LUZP2: variants seen among roughly 807,000 people sequenced by gnomAD.
LUZP2 encodes leucine zipper protein 2.
In LUZP2, 52 loss-of-function variants were observed where a neutral mutation model predicts 51.6. The ratio of observed to expected loss-of-function variants is 1.01; its 90% confidence interval spans 0.81 to 1.27. LUZP2 has a LOEUF of 1.27. Among genes scored for constraint, LUZP2 ranks in the 50% most tolerant of loss-of-function variants. The pLI is 0.00. For missense variants in LUZP2, 436 were observed against 395.4 expected, an observed-to-expected ratio of 1.10 and a Z score of -0.87; for synonymous variants, 154 against 137.3, an observed-to-expected ratio of 1.12 and a Z score of -0.85.
At chr11:25,075,677 G>A (rs886296853) in intron 10 of LUZP2, among the ~76,000 whole-genome samples, 1 of 152,028 alleles carries the variant, frequency 6.6e-6, no homozygotes, top group Non-Finnish European at 1.5e-5. Context: ...ATAAATTATG[G>A]CAGAAATGAG....
At chr11:24,855,730 T>C (rs537199473) in intron 5 of LUZP2, among the ~76,000 whole-genome samples, 3 of 152,246 alleles carry the variant, frequency 2.0e-5, no homozygotes, top group Non-Finnish European at 4.4e-5. Flanking sequence ...ACACAGGCTA[T>C]AGTAATTAAA....
intron 7 of LUZP2, among the ~76,000 whole-genome samples, chr11:24,945,668 G>A (rs1290386912): frequency 6.6e-6 from 1 of 151,964 alleles, no homozygotes; most frequent in African/African-American, 2.4e-5. Context: ...TATCAGCACT[G>A]AACATTGGAT....
chr11:24,997,427 G>A (rs1856539448), intron 9 of LUZP2, among the ~76,000 whole-genome samples: 1 of 152,092 alleles, frequency 6.6e-6, no homozygotes, highest in Admixed American at 6.5e-5. Flanking sequence ...CTTTTGAGAA[G>A]TGTCTGTTCA....
At chr11:25,002,035 C>T (rs1356497468) in intron 9 of LUZP2, among the ~76,000 whole-genome samples, 2 of 152,208 alleles carry the variant, frequency 1.3e-5, no homozygotes, top group African/African-American at 2.4e-5. Context: ...TGGGGGTTCC[C>T]CCAGAGGTTA....
chr11:24,601,447 T>C (rs1451033813), intron 1 of LUZP2, among the ~76,000 whole-genome samples: 2 of 151,958 alleles, frequency 1.3e-5, no homozygotes, highest in Non-Finnish European at 1.5e-5. Context: ...TATGTAAAGA[T>C]AGAATAAAGA....
intron 1 of LUZP2, among the ~76,000 whole-genome samples, chr11:24,578,817 G>T (rs1852750637): frequency 6.6e-6 from 1 of 151,940 alleles, no homozygotes; most frequent in Non-Finnish European, 1.5e-5. Context: ...ACTAACTATT[G>T]GGTACTATGC....
intron 5 of LUZP2, among the ~76,000 whole-genome samples, chr11:24,903,451 T>C (rs899115311): frequency 2.6e-5 from 4 of 152,170 alleles, no homozygotes; most frequent in Admixed American, 6.5e-5. Flanking sequence ...CACTCCATGA[T>C]AGGAAAACAA....
chr11:24,847,519 A>G (rs1400833279), intron 5 of LUZP2, among the ~76,000 whole-genome samples: 1 of 152,122 alleles, frequency 6.6e-6, no homozygotes, highest in Non-Finnish European at 1.5e-5. Context: ...TGTGCTCTTT[A>G]CTGGAGGCAC....
intron 1 of LUZP2, among the ~76,000 whole-genome samples, chr11:24,617,324 T>C (rs1286505147): frequency 6.6e-6 from 1 of 152,186 alleles, no homozygotes; most frequent in Non-Finnish European, 1.5e-5. Flanking sequence ...GCCTTATTTT[T>C]CACCTGATTT....
intron 9 of LUZP2, among the ~76,000 whole-genome samples, chr11:25,030,252 A>T (rs1190734288): frequency 6.6e-6 from 1 of 152,160 alleles, no homozygotes; most frequent in African/African-American, 2.4e-5. Flanking sequence ...TATTTCAAGG[A>T]TATCTTTGTT....
intron 7 of LUZP2, among the ~76,000 whole-genome samples, chr11:24,936,450 A>C (rs1854588492): frequency 6.6e-6 from 1 of 152,178 alleles, no homozygotes; most frequent in African/African-American, 2.4e-5. Context: ...CTGCAATTTC[A>C]GTCTCTTACT....
intron 1 of LUZP2, among the ~76,000 whole-genome samples, chr11:24,709,875 C>T (rs2133927959): frequency 6.6e-6 from 1 of 152,250 alleles, no homozygotes; most frequent in East Asian, 1.9e-4. Context: ...TAGACAGGAG[C>T]TCATGGATGA....
chr11:25,001,864 T>A (rs1412132702), intron 9 of LUZP2, among the ~76,000 whole-genome samples: 1 of 152,124 alleles, frequency 6.6e-6, no homozygotes, highest in Non-Finnish European at 1.5e-5. Flanking sequence ...TCTGACTTCC[T>A]GTCTCTTTCT....
intron 1 of LUZP2, among the ~76,000 whole-genome samples, chr11:24,644,270 C>A (rs1432354796): frequency 6.6e-6 from 1 of 152,108 alleles, no homozygotes; most frequent in African/African-American, 2.4e-5. Flanking sequence ...TTGCTGGCAG[C>A]TGGATCTGCA....
At chr11:24,554,925 G>A (rs1296149097) in intron 1 of LUZP2, among the ~76,000 whole-genome samples, 9 of 152,196 alleles carry the variant, frequency 5.9e-5, no homozygotes, top group Middle Eastern at 3.4e-3. Context: ...AATGCAGTAA[G>A]ATATCAATAC....
intron 5 of LUZP2, among the ~76,000 whole-genome samples, chr11:24,898,129 A>G (rs1304711095): frequency 6.6e-6 from 1 of 152,220 alleles, no homozygotes; most frequent in Non-Finnish European, 1.5e-5. Context: ...ACTCCTATTC[A>G]TACACTTTTA....
At chr11:24,539,200 A>G (rs1229704151) in intron 1 of LUZP2, among the ~76,000 whole-genome samples, 3 of 151,902 alleles carry the variant, frequency 2.0e-5, no homozygotes, top group Non-Finnish European at 4.4e-5. Flanking sequence ...CTCTTGTTAG[A>G]ACACAAGTCT....
At chr11:24,580,532 T>C (rs1852811892) in intron 1 of LUZP2, among the ~76,000 whole-genome samples, 1 of 152,124 alleles carries the variant, frequency 6.6e-6, no homozygotes, top group Non-Finnish European at 1.5e-5. Flanking sequence ...TAGCAAAAGC[T>C]CCATGTTAAT....
intron 1 of LUZP2, among the ~76,000 whole-genome samples, chr11:24,616,745 T>C (rs892620854): frequency 4.6e-5 from 7 of 152,196 alleles, no homozygotes; most frequent in Non-Finnish European, 4.4e-5. Flanking sequence ...CTGATACCTC[T>C]GACCTTATTC....
Sources: allele counts gnomAD v4.1 joint callset (sites outside exome capture counted in the v4.1 genomes callset), GRCh38; gene constraint gnomAD v4.1.1; transcripts MANE v1.5; gene names NCBI Gene and HGNC (gene_info 2026-07-23, HGNC 2026-07-21).